WDR64: variants seen among roughly 807,000 people sequenced by gnomAD.
The protein encoded by WDR64 is WD repeat-containing protein 64.
WDR64 carries 112 observed loss-of-function variants against 139.3 expected under a neutral mutation model. That is an observed-to-expected ratio of 0.80 (90% CI 0.69 to 0.94). The LOEUF (loss-of-function observed/expected upper bound fraction) is 0.94, where lower values mean the gene tolerates loss of function less well. Among genes scored for constraint, WDR64 ranks in the 40% least tolerant of loss-of-function variants. WDR64 has a pLI of 0.00. For missense variants in WDR64, 1,206 were observed against 1,293.1 expected, an observed-to-expected ratio of 0.93 and a Z score of 1.03; for synonymous variants, 444 against 437.7, an observed-to-expected ratio of 1.01 and a Z score of -0.18.
intron 1 of WDR64, among the ~76,000 whole-genome samples, chr1:241,657,643 C>T (rs560369184): frequency 1.3e-5 from 2 of 152,320 alleles, no homozygotes; most frequent in East Asian, 1.9e-4. Context: ...CTTTTACCCA[C>T]CTCCTTAAAG....
chr1:241,758,103 T>C (rs1670276570), intron 15 of WDR64, among the ~76,000 whole-genome samples: 1 of 152,186 alleles, frequency 6.6e-6, no homozygotes, highest in Non-Finnish European at 1.5e-5. Context: ...CTGAAGAAAC[T>C]GGACAGTTGA....
chr1:241,743,757 T>A (rs1361199889), intron 12 of WDR64, among the ~76,000 whole-genome samples: 1 of 152,204 alleles, frequency 6.6e-6, no homozygotes, highest in Non-Finnish European at 1.5e-5. Context: ...GAGATAATGA[T>A]GACTCTTGAG....
intron 4 of WDR64, among the ~76,000 whole-genome samples, chr1:241,677,831 T>C (rs2148094221): frequency 6.6e-6 from 1 of 152,368 alleles, no homozygotes; most frequent in East Asian, 1.9e-4. Context: ...ACTCTTGCCA[T>C]TGCTGTTAGA....
chr1:241,704,486 G>A (rs922363985), intron 8 of WDR64, among the ~76,000 whole-genome samples: 13 of 152,068 alleles, frequency 8.5e-5, no homozygotes, highest in Non-Finnish European at 1.9e-4. Flanking sequence ...ATGAAATACT[G>A]GAAAGCAGGC....
At chr1:241,674,895 ATTTCCTTCCTCTTATTCCTTCCTTCCTTC>A in intron 4 of WDR64, 148 bp downstream of exon 4, 1 of 122,034 alleles carries the variant, frequency 8.2e-6, no homozygotes, top group South Asian at 7.6e-5. Flanking sequence ...TCTTGCTTTT[ATTTCCTTCCTCTTATTCCTTCCTTCCTTC>A]TTTCCTTCCT....
chr1:241,768,871 C>T (rs1220765155), intron 16 of WDR64, among the ~76,000 whole-genome samples: 12 of 152,188 alleles, frequency 7.9e-5, no homozygotes, highest in Non-Finnish European at 2.9e-5. Context: ...ACTGGACTAC[C>T]TGTTCTTCTC....
intron 22 of WDR64, 122 bp downstream of exon 22, chr1:241,780,184 A>G: frequency 2.4e-6 from 2 of 832,224 alleles, no homozygotes; most frequent in African/African-American, 1.8e-5. Flanking sequence ...CACATATACT[A>G]TTGAAATTTG....
At chr1:241,695,466 A>T (rs930796096) in intron 8 of WDR64, among the ~76,000 whole-genome samples, 3 of 152,176 alleles carry the variant, frequency 2.0e-5, no homozygotes, top group Admixed American at 6.5e-5. Context: ...AATATTACAC[A>T]TTTACCAGCA....
intron 3 of WDR64, among the ~76,000 whole-genome samples, chr1:241,671,895 G>A (rs1434639317): frequency 6.6e-6 from 1 of 152,140 alleles, no homozygotes; most frequent in African/African-American, 2.4e-5. Flanking sequence ...CCGGGAGTCT[G>A]GGCACAGTGG....
chr1:241,799,246 T>C (rs1659457362), intron 27 of WDR64, among the ~76,000 whole-genome samples: 1 of 109,122 alleles, frequency 9.2e-6, no homozygotes, highest in African/African-American at 3.6e-5. Flanking sequence ...CCGGGTGTGG[T>C]GGTGCACACC....
At chr1:241,734,609 G>T (rs1227835256) in intron 10 of WDR64, among the ~76,000 whole-genome samples, 1 of 151,676 alleles carries the variant, frequency 6.6e-6, no homozygotes, top group African/African-American at 2.4e-5. Context: ...ACCAAAAACT[G>T]ACTAACCAAT....
chr1:241,798,833 T>G (rs2148336025), intron 27 of WDR64, among the ~76,000 whole-genome samples: 1 of 152,282 alleles, frequency 6.6e-6, no homozygotes, highest in South Asian at 2.1e-4. Flanking sequence ...TTTAAATCAT[T>G]TATACGTCTC....
intron 8 of WDR64, among the ~76,000 whole-genome samples, chr1:241,692,027 A>AG (rs1667319649): frequency 4.6e-5 from 7 of 151,394 alleles, no homozygotes; most frequent in African/African-American, 1.7e-4. Flanking sequence ...AAATAAAAAA[A>AG]TAAAAAAAAA....
At chr1:241,696,741 C>T (rs1160248920) in intron 8 of WDR64, among the ~76,000 whole-genome samples, 1 of 152,130 alleles carries the variant, frequency 6.6e-6, no homozygotes, top group Non-Finnish European at 1.5e-5. Flanking sequence ...AGAGGTCACT[C>T]TCATGGCCAT....
intron 12 of WDR64, among the ~76,000 whole-genome samples, chr1:241,743,297 C>A (rs1019585753): frequency 6.6e-6 from 1 of 152,084 alleles, no homozygotes; most frequent in African/African-American, 2.4e-5. Context: ...AGATGGGTGA[C>A]CCCTGAGACC....
At chr1:241,655,410 T>A (rs978773877) in intron 1 of WDR64, among the ~76,000 whole-genome samples, 17 of 152,218 alleles carry the variant, frequency 1.1e-4, no homozygotes, top group Admixed American at 1.0e-3. Context: ...CAAAAAATAG[T>A]CTTTTTGCCA....
At position 241,711,808 on chromosome 1, in the gene WDR64, CAG is replaced by C. The variant is rs763145597; in HGVS notation, c.986_987del (p.Glu329ValfsTer15). 9.9e-6 allele frequency: 16 copies of C among 1,614,074 alleles called. No individual in the cohort carries two copies. Among genetic ancestry groups the C allele is most frequent in the African/African-American group, 2.7e-5 (2 of 75,008 alleles). ...LKRLEDNLPVREFSMPRGANT... is the reference protein window; with the variant it reads ...LKRLEDNLPVXEFSMPRGANT... ...TCTAATTTGTGTTTTCCAGGCCTGT[CAG>C]AGAGTTTTCCATGCCAAGAGGAGCC... On this transcript the variant is annotated frameshift_variant, in exon 9 of 28. Coordinates refer to ENST00000437684, the MANE Select transcript of WDR64 (RefSeq NM_001367482.1). LOFTEE classifies it high-confidence loss of function.
intron 1 of WDR64, among the ~76,000 whole-genome samples, chr1:241,653,130 G>T (rs1665427603): frequency 6.6e-6 from 1 of 152,234 alleles, no homozygotes; most frequent in South Asian, 2.1e-4. Flanking sequence ...GAATATGGTG[G>T]ACAGTGGTCT....
intron 11 of WDR64, among the ~76,000 whole-genome samples, chr1:241,738,974 G>T (rs549014285): frequency 4.6e-5 from 7 of 152,132 alleles, no homozygotes; most frequent in African/African-American, 1.7e-4. Flanking sequence ...ATTTTACAGC[G>T]GCTGCACCAG....
Sources: allele counts gnomAD v4.1 joint callset (sites outside exome capture counted in the v4.1 genomes callset), GRCh38; gene constraint gnomAD v4.1.1; transcripts MANE v1.5; gene names NCBI Gene and HGNC (gene_info 2026-07-23, HGNC 2026-07-21).